The following RIMS2 variants were observed in gnomAD, a reference collection of about 807,000 sequenced individuals.
RIMS2 encodes the protein regulating synaptic membrane exocytosis protein 2.
A neutral mutation model predicts 174.4 loss-of-function variants in RIMS2; 59 were observed. The observed-to-expected ratio is 0.34, with a 90% CI of 0.27 to 0.42. The LOEUF is 0.42. RIMS2 is among the 10% of genes least tolerant of loss of function. The pLI, the probability that RIMS2 is intolerant of heterozygous loss-of-function variation, is 1.00. For missense variants in RIMS2, 1,620 were observed against 1,666.3 expected, an observed-to-expected ratio of 0.97 and a Z score of 0.48; for synonymous variants, 606 against 572.5, an observed-to-expected ratio of 1.06 and a Z score of -0.84.
intron 3 of RIMS2, chr8:103,768,725 A>G: frequency 1.3e-6 from 1 of 767,004 alleles, no homozygotes; most frequent in South Asian, 1.3e-5. Context: ...AATCTCTCTA[A>G]AGAAGATGAT....
intron 5 of RIMS2, among the ~76,000 whole-genome samples, chr8:103,911,507 T>G (rs1461327046): frequency 6.6e-6 from 1 of 152,172 alleles, no homozygotes; most frequent in Non-Finnish European, 1.5e-5. Flanking sequence ...TTGGGGCTTG[T>G]GTACACTTTA....
chr8:104,255,400 C>T (rs1387611763), downstream of RIMS2: 3 of 152,046 alleles, frequency 2.0e-5, no homozygotes, highest in Non-Finnish European at 4.4e-5. Flanking sequence ...AATTCCCTTC[C>T]CTTTCTTATG....
chr8:103,673,593 C>G (rs570807730), intron 1 of RIMS2, among the ~76,000 whole-genome samples: 2 of 152,348 alleles, frequency 1.3e-5, no homozygotes, highest in Admixed American at 6.5e-5. Context: ...GTAGCTGTAG[C>G]TAGAGCAGCC....
intron 16 of RIMS2, chr8:103,977,492 G>A (rs2093551818): frequency 1.3e-5 from 2 of 152,128 alleles, no homozygotes; most frequent in African/African-American, 2.4e-5. Flanking sequence ...TTTGTTCTTT[G>A]TACATTCTAC....
intron 3 of RIMS2, among the ~76,000 whole-genome samples, chr8:103,803,572 C>T (rs538395144): frequency 1.3e-5 from 2 of 152,248 alleles, no homozygotes; most frequent in Non-Finnish European, 2.9e-5. Flanking sequence ...AAGTTATGTA[C>T]AATGAGACTT....
intron 2 of RIMS2, among the ~76,000 whole-genome samples, chr8:103,760,579 G>C (rs2098099843): frequency 6.6e-6 from 1 of 152,212 alleles, no homozygotes; most frequent in Non-Finnish European, 1.5e-5. Flanking sequence ...CTGATCATGG[G>C]AATGCTTTAG....
intron 19 of RIMS2, among the ~76,000 whole-genome samples, chr8:104,216,125 C>T (rs1180766283): frequency 6.6e-6 from 1 of 152,164 alleles, no homozygotes; most frequent in Admixed American, 6.5e-5. Flanking sequence ...TTTGGCTGAA[C>T]TCATACCCAT....
intron 4 of RIMS2, among the ~76,000 whole-genome samples, chr8:103,889,259 A>G (rs1450398693): frequency 1.3e-5 from 2 of 151,612 alleles, no homozygotes; most frequent in Non-Finnish European, 3.0e-5. Context: ...CTGTATTTTT[A>G]TATGGAGTGA....
At chr8:104,141,675 C>G (rs983698314) in intron 19 of RIMS2, among the ~76,000 whole-genome samples, 2 of 152,228 alleles carry the variant, frequency 1.3e-5, no homozygotes, top group African/African-American at 4.8e-5. Flanking sequence ...TGCTCACCTT[C>G]ACTTCATTCC....
At chr8:103,917,729 TAA>T (rs983120356) in intron 8 of RIMS2, among the ~76,000 whole-genome samples, 1 of 152,128 alleles carries the variant, frequency 6.6e-6, no homozygotes, top group Non-Finnish European at 1.5e-5. Flanking sequence ...TACTACATTT[TAA>T]AAGTTTCCGG....
At chr8:103,605,176 C>T (rs1332988158) in intron 1 of RIMS2, among the ~76,000 whole-genome samples, 1 of 61,026 alleles carries the variant, frequency 1.6e-5, no homozygotes, top group Non-Finnish European at 2.9e-5. Flanking sequence ...TACATCCCAT[C>T]AATACCTAAT....
At chr8:103,949,341 A>C (rs1216846184) in intron 14 of RIMS2, among the ~76,000 whole-genome samples, 1 of 152,184 alleles carries the variant, frequency 6.6e-6, no homozygotes, top group Non-Finnish European at 1.5e-5. Context: ...TACAAGTCAG[A>C]AAACACCTTC....
chr8:103,916,804 G>C (rs1241230730), intron 8 of RIMS2, among the ~76,000 whole-genome samples: 1 of 152,046 alleles, frequency 6.6e-6, no homozygotes, highest in Non-Finnish European at 1.5e-5. Flanking sequence ...TTAGAAGGTG[G>C]TTATAGGATT....
chr8:103,719,071 G>C (rs1309244407), intron 2 of RIMS2, among the ~76,000 whole-genome samples: 1 of 152,076 alleles, frequency 6.6e-6, no homozygotes, highest in Non-Finnish European at 1.5e-5. Flanking sequence ...TCTAGCAAAT[G>C]AGTTATAAGA....
At chr8:103,829,773 G>A (rs935156845) in intron 3 of RIMS2, among the ~76,000 whole-genome samples, 2 of 151,508 alleles carry the variant, frequency 1.3e-5, no homozygotes, top group African/African-American at 4.8e-5. Flanking sequence ...CATTACATGG[G>A]TGATGAAATA....
At chr8:104,199,733 T>G (rs771810289) in intron 19 of RIMS2, among the ~76,000 whole-genome samples, 2 of 152,162 alleles carry the variant, frequency 1.3e-5, no homozygotes, top group African/African-American at 2.4e-5. Context: ...GAGAACATTC[T>G]ATGAGCGGCA....
chr8:104,119,982 G>T (rs186085249), intron 19 of RIMS2, among the ~76,000 whole-genome samples: 13 of 152,294 alleles, frequency 8.5e-5, no homozygotes, highest in Admixed American at 5.9e-4. Flanking sequence ...AAAACACAGA[G>T]TTACTGTCCA....
chr8:104,205,574 A>C lies in RIMS2; in HGVS notation c.3335-39342A>C, dbSNP rs149537437. ...TAACTTAAGTTGTGAGTTCTTACAG[A>C]TCAGAAGCCTTCTATACCAGTGTTT... On this transcript the variant is annotated intron_variant, in intron 19 of 23. Transcript: ENST00000504942. 3.4e-3 allele frequency among the ~76,000 whole-genome samples: 522 copies of C among 152,100 alleles called. 3 individuals carry two copies. The highest frequency in any genetic ancestry group is 0.012 in the African/African-American group (500 of 41,500).
At chr8:103,735,543 G>A (rs1403286454) in intron 2 of RIMS2, among the ~76,000 whole-genome samples, 2 of 151,954 alleles carry the variant, frequency 1.3e-5, no homozygotes, top group Admixed American at 6.6e-5. Flanking sequence ...CGTTCATGGT[G>A]GATTATTCAT....
Sources: gnomAD v4.1 joint callset for allele counts (sites outside exome capture counted in the v4.1 genomes callset) on GRCh38, gnomAD v4.1.1 for gene constraint, MANE v1.5 for transcripts, NCBI Gene and HGNC (gene_info 2026-07-23, HGNC 2026-07-21) for gene names.